The following ACOXL variants were observed in gnomAD, a reference collection of about 807,000 sequenced individuals.
ACOXL encodes the protein acyl-CoA oxidase like, also known as acyl-coenzyme A oxidase-like protein.
A neutral mutation model predicts 71.9 loss-of-function variants in ACOXL; 70 were observed. The ratio of observed to expected loss-of-function variants is 0.97; its 90% CI spans 0.80 to 1.19. The LOEUF (loss-of-function observed/expected upper bound fraction) is 1.19. Among genes scored for constraint, ACOXL ranks in the 50% most tolerant of loss-of-function variants. The pLI is 0.00. For synonymous variants in ACOXL, 253 were observed against 281.6 expected, an observed-to-expected ratio of 0.90 and a Z score of 1.02; for missense variants, 703 against 736.3, an observed-to-expected ratio of 0.95 and a Z score of 0.52.
intron 17 of ACOXL, chr2:111,093,522 G>GT (rs1479339056): frequency 1.2e-6 from 2 of 1,613,986 alleles, no homozygotes; most frequent in Non-Finnish European, 1.7e-6. Flanking sequence ...ATAAGACTCA[G>GT]TCTCCACATG....
chr2:110,850,704 G>C (rs941250225), intron 10 of ACOXL, among the ~76,000 whole-genome samples: 4 of 152,158 alleles, frequency 2.6e-5, no homozygotes, highest in African/African-American at 9.7e-5. Context: ...CTGCAACTCT[G>C]ATACATTGCT....
chr2:110,755,349 AATTATAGCTGAGAAC>A, intron 1 of ACOXL, among the ~76,000 whole-genome samples: 1 of 152,222 alleles, frequency 6.6e-6, no homozygotes, highest in East Asian at 1.9e-4. Flanking sequence ...ATAAAAGAGA[AATTATAGCTGAGAAC>A]ATGTCAAAAA....
intron 5 of ACOXL, among the ~76,000 whole-genome samples, chr2:110,794,430 T>A (rs1179487205): frequency 6.6e-6 from 1 of 152,260 alleles, no homozygotes; most frequent in Non-Finnish European, 1.5e-5. Context: ...TCAAGCACTT[T>A]GTGTGCACTT....
chr2:110,870,949 G>T (rs533092134), intron 10 of ACOXL, among the ~76,000 whole-genome samples: 2 of 152,180 alleles, frequency 1.3e-5, no homozygotes, highest in African/African-American at 4.8e-5. Flanking sequence ...TGCTCAGGAG[G>T]GACCCCTGAC....
chr2:111,046,685 T>A (rs1363666073), intron 15 of ACOXL, among the ~76,000 whole-genome samples: 2 of 151,980 alleles, frequency 1.3e-5, no homozygotes, highest in African/African-American at 2.4e-5. Flanking sequence ...TCCCACTGTG[T>A]CCCCTCCCGT....
intron 2 of ACOXL, among the ~76,000 whole-genome samples, chr2:110,769,650 TAAAACAAAACAAAAC>T (rs367968739): frequency 1.3e-5 from 2 of 151,380 alleles, no homozygotes; most frequent in South Asian, 2.1e-4. Context: ...CTGTTTCTAC[TAAAACAAAACAAAAC>T]AAAACAAAAC....
At chr2:110,807,964 T>C (rs1468141276) in intron 9 of ACOXL, among the ~76,000 whole-genome samples, 3 of 152,150 alleles carry the variant, frequency 2.0e-5, no homozygotes, top group Admixed American at 2.0e-4. Context: ...CCAAATGTCA[T>C]ATTTTTCATG....
chr2:110,981,737 T>C (rs1426212202), intron 12 of ACOXL, among the ~76,000 whole-genome samples: 1 of 152,234 alleles, frequency 6.6e-6, no homozygotes, highest in Admixed American at 6.5e-5. Flanking sequence ...TTTAACTTGC[T>C]GTGCTTCTGT....
chr2:110,900,959 GC>G (rs1558697818), intron 10 of ACOXL, among the ~76,000 whole-genome samples: 1 of 152,194 alleles, frequency 6.6e-6, no homozygotes, highest in Non-Finnish European at 1.5e-5. Flanking sequence ...TATCTGAGGG[GC>G]TTCTGTGGTC....
chr2:110,756,283 C>T (rs78826066), intron 1 of ACOXL, among the ~76,000 whole-genome samples: 5 of 152,104 alleles, frequency 3.3e-5, no homozygotes, highest in Admixed American at 6.5e-5. Flanking sequence ...CCCGACACCA[C>T]GCTCGGCTAA....
intron 9 of ACOXL, among the ~76,000 whole-genome samples, chr2:110,835,595 C>G (rs918486112): frequency 6.6e-6 from 1 of 152,166 alleles, no homozygotes; most frequent in African/African-American, 2.4e-5. Flanking sequence ...GGCCTGAACT[C>G]GTGGTGATCA....
chr2:110,817,513 A>G (rs1688056120), intron 9 of ACOXL, among the ~76,000 whole-genome samples: 1 of 152,206 alleles, frequency 6.6e-6, no homozygotes, highest in South Asian at 2.1e-4. Context: ...CAGCATCTTC[A>G]GTTTCTTGAA....
In ACOXL at chr2:111,046,147, G is replaced by A. The variant is rs191451661; in HGVS notation, c.1370-3071G>A. Among the ~76,000 whole-genome samples, 28 of 152,360 alleles carry A rather than the reference G, an allele frequency of 1.8e-4. No homozygotes were observed. In the East Asian group the frequency reaches 5.4e-3, roughly 29 times the overall value. ...GGAGACTTAGAGAAATCTTTGTACA[G>A]GAACCTAAGATGGAGTGCAGACTCA... On this transcript the variant is annotated intron_variant, in intron 15 of 17. Coordinates refer to ENST00000439055, the MANE Select transcript of ACOXL (RefSeq NM_001142807.4).
At chr2:111,056,837 TA>T (rs1246163762) in intron 16 of ACOXL, among the ~76,000 whole-genome samples, 1 of 151,444 alleles carries the variant, frequency 6.6e-6, no homozygotes, top group East Asian at 1.9e-4. Context: ...GGCTCCATAG[TA>T]AGTCAGCAAA....
chr2:111,031,104 G>A (rs1236260768), intron 14 of ACOXL, among the ~76,000 whole-genome samples: 3 of 152,308 alleles, frequency 2.0e-5, no homozygotes, highest in Middle Eastern at 6.8e-3. Context: ...CCATCACTCT[G>A]GATCCTATCT....
intron 9 of ACOXL, among the ~76,000 whole-genome samples, chr2:110,832,514 C>T (rs980182051): frequency 4.2e-5 from 6 of 144,270 alleles, no homozygotes; most frequent in South Asian, 2.2e-4. Flanking sequence ...GTCCGCAGTC[C>T]GGCCTGGGCG....
At chr2:110,779,170 A>G (rs769796936) in intron 2 of ACOXL, among the ~76,000 whole-genome samples, 45 of 152,216 alleles carry the variant, frequency 3.0e-4, no homozygotes, top group Non-Finnish European at 4.4e-4. Flanking sequence ...CCTTTCATCA[A>G]TCCTGCACTG....
At chr2:111,049,445 G>A (rs2066175855) in intron 16 of ACOXL, among the ~76,000 whole-genome samples, 157 bp downstream of exon 16, 1 of 152,278 alleles carries the variant, frequency 6.6e-6, no homozygotes, top group East Asian at 1.9e-4. Flanking sequence ...AGGGTTGCTG[G>A]TTAACGAGCA....
intron 15 of ACOXL, among the ~76,000 whole-genome samples, chr2:111,046,824 C>T (rs2066038530): frequency 1.3e-5 from 2 of 152,142 alleles, no homozygotes; most frequent in Admixed American, 6.5e-5. Context: ...AGATGGAACC[C>T]TGCATGAATG....
Sources: gnomAD v4.1 joint callset for allele counts (sites outside exome capture counted in the v4.1 genomes callset) on GRCh38, gnomAD v4.1.1 for gene constraint, MANE v1.5 for transcripts, NCBI Gene and HGNC (gene_info 2026-07-23, HGNC 2026-07-21) for gene names.